EYS: variants seen among roughly 807,000 people sequenced by gnomAD.
EYS encodes the protein protein eyes shut homolog.
Under a neutral mutation model 282.1 loss-of-function variants are expected in EYS, and 250 were observed. That is an observed-to-expected ratio of 0.89 (90% CI 0.80 to 0.98). The LOEUF is 0.98. Ranked by LOEUF, EYS falls within the 50% of genes least tolerant of loss-of-function variation. The pLI, the probability that EYS is intolerant of heterozygous loss-of-function variation, is 0.00. For missense variants in EYS, 4,016 were observed against 3,709.0 expected, an observed-to-expected ratio of 1.08 and a Z score of -2.15; for synonymous variants, 1,355 against 1,282.9, an observed-to-expected ratio of 1.06 and a Z score of -1.20.
intron 35 of EYS, among the ~76,000 whole-genome samples, chr6:63,894,760 A>T (rs1773494221): frequency 6.6e-6 from 1 of 151,126 alleles, no homozygotes; most frequent in African/African-American, 2.4e-5. Flanking sequence ...TTTTTTTATT[A>T]TTATTTTTAG....
intron 35 of EYS, among the ~76,000 whole-genome samples, chr6:63,982,705 G>A (rs927961545): frequency 1.1e-4 from 16 of 151,730 alleles, no homozygotes; most frequent in Non-Finnish European, 2.2e-4. Flanking sequence ...GCAAGTCACA[G>A]GTTTCACCCA....
At chr6:64,354,629 C>T (rs1345209461) in intron 29 of EYS, among the ~76,000 whole-genome samples, 1 of 151,406 alleles carries the variant, frequency 6.6e-6, no homozygotes, top group East Asian at 2.0e-4. Context: ...TAGAAAATTG[C>T]TATTCTGAAA....
intron 26 of EYS, among the ~76,000 whole-genome samples, chr6:64,464,503 T>C (rs1419328324): frequency 6.6e-6 from 1 of 152,024 alleles, no homozygotes; most frequent in African/African-American, 2.4e-5. Flanking sequence ...AGTTAAATTG[T>C]CCCTGTTTAC....
rs544496290 is a variant in EYS at position 63,752,367 on chromosome 6, C to T, written c.8071+10094G>A. On this transcript the variant is annotated intron_variant, in intron 41 of 42. Coordinates refer to ENST00000503581, the MANE Select transcript of EYS (RefSeq NM_001142800.2). The stretch of plus-strand genomic sequence containing the variant: ...AGCTTATGACAATATATTTATAGTA[C>T]TATGAATATTATGCCTATAATATTA... Among the ~76,000 whole-genome samples the T allele has an allele frequency of 6.1e-5, 9 of 147,388 alleles. No individual in the cohort carries two copies. The South Asian group carries it at 1.5e-3, about 25-fold the overall frequency.
chr6:64,700,368 T>C (rs895859489), intron 22 of EYS, among the ~76,000 whole-genome samples: 1 of 152,152 alleles, frequency 6.6e-6, no homozygotes, highest in East Asian at 1.9e-4. Flanking sequence ...ACCATAGAAC[T>C]AGAAGTCTTA....
chr6:64,495,961 T>A (rs1776876144), intron 26 of EYS, among the ~76,000 whole-genome samples: 1 of 151,858 alleles, frequency 6.6e-6, no homozygotes, highest in Non-Finnish European at 1.5e-5. Context: ...AAAAGTGCTG[T>A]ATTTTAAAAA....
intron 41 of EYS, among the ~76,000 whole-genome samples, chr6:63,735,754 G>T (rs911721635): frequency 1.3e-4 from 20 of 152,100 alleles, no homozygotes; most frequent in African/African-American, 4.8e-4. Context: ...TTCCTTTCTT[G>T]TCCAGGATGC....
At chr6:63,763,179 C>T (rs1769691857) in intron 40 of EYS, among the ~76,000 whole-genome samples, 1 of 151,966 alleles carries the variant, frequency 6.6e-6, no homozygotes, top group African/African-American at 2.4e-5. Context: ...TGAATCTTGA[C>T]CAAGAGGTGT....
intron 12 of EYS, among the ~76,000 whole-genome samples, chr6:65,107,545 T>C (rs375291977): frequency 6.6e-6 from 1 of 151,874 alleles, no homozygotes; most frequent in African/African-American, 2.4e-5. Flanking sequence ...GTGAGAGCTA[T>C]ACTCTAACTT....
intron 18 of EYS, among the ~76,000 whole-genome samples, chr6:64,900,743 G>C (rs900869246): frequency 2.6e-5 from 4 of 152,102 alleles, no homozygotes; most frequent in Non-Finnish European, 5.9e-5. Flanking sequence ...AGATGCTAGA[G>C]AGATGCGGAG....
intron 30 of EYS, among the ~76,000 whole-genome samples, chr6:64,247,258 G>A (rs143081031): frequency 1.1e-4 from 16 of 152,236 alleles, no homozygotes; most frequent in African/African-American, 2.6e-4. Flanking sequence ...TAATCAAGGT[G>A]ACATAATTAA....
intron 12 of EYS, among the ~76,000 whole-genome samples, chr6:65,069,714 C>T (rs1245347014): frequency 6.6e-6 from 1 of 151,838 alleles, no homozygotes; most frequent in Non-Finnish European, 1.5e-5. Context: ...ATACATTATA[C>T]TGGTTTTAAT....
At chr6:65,105,603 A>T (rs1351060560) in intron 12 of EYS, among the ~76,000 whole-genome samples, 1 of 151,834 alleles carries the variant, frequency 6.6e-6, no homozygotes, top group African/African-American at 2.4e-5. Flanking sequence ...ATTTGCATAC[A>T]TTTTATTATT....
At chr6:64,527,501 T>C (rs1463018141) in intron 26 of EYS, among the ~76,000 whole-genome samples, 1 of 151,860 alleles carries the variant, frequency 6.6e-6, no homozygotes, top group Non-Finnish European at 1.5e-5. Flanking sequence ...TCTGAAACAC[T>C]TTATTGTTCA....
chr6:64,344,679 G>T lies in EYS; in HGVS notation c.6079-37597C>A, dbSNP rs561815990. On this transcript the variant is annotated intron_variant, in intron 29 of 42. Transcript: ENST00000503581. ...TCTCTCACCACTCCTATTCAACATA[G>T]TGTTGGAAGTTCTGGCCAGGGCAAT... 2.6e-5 allele frequency among the ~76,000 whole-genome samples: 4 copies of T among 152,208 alleles called. No individual in the cohort carries two copies. The East Asian group carries it at 7.7e-4, about 29-fold the overall frequency.
intron 2 of EYS, among the ~76,000 whole-genome samples, chr6:65,556,653 C>T (rs2127339922): frequency 6.6e-6 from 1 of 152,040 alleles, no homozygotes; most frequent in South Asian, 2.1e-4. Flanking sequence ...TAGGTATTTT[C>T]AGAAAAAAAT....
chr6:64,102,569 TTGAA>T lies in EYS; in HGVS notation c.6425-20571_6425-20568del, dbSNP rs140978521. On this transcript the variant is annotated intron_variant, in intron 31 of 42. Coordinates refer to ENST00000503581, the MANE Select transcript of EYS (RefSeq NM_001142800.2). ...AGCCATTGTTTATGATAAACTGCAG[TTGAA>T]TGAAGAGAATATTTTTCAAAATCTA... Among the ~76,000 whole-genome samples the T allele has an allele frequency of 6.7e-3, 1,023 of 152,276 alleles. 9 individuals are homozygous for T. The highest frequency in any genetic ancestry group is 0.023 in the African/African-American group (945 of 41,570).
chr6:64,549,529 G>A (rs981086869), intron 26 of EYS, among the ~76,000 whole-genome samples: 4 of 152,114 alleles, frequency 2.6e-5, no homozygotes, highest in Admixed American at 6.6e-5. Context: ...AATTCTTTCT[G>A]CAACAGTTAT....
chr6:65,339,067 CTTTATCTTGCCAT>C (rs1770100223), intron 10 of EYS, among the ~76,000 whole-genome samples: 1 of 151,144 alleles, frequency 6.6e-6, no homozygotes. Flanking sequence ...AATATATGCC[CTTTATCTTGCCAT>C]TTTGACCCTT....
Sources: gnomAD v4.1 joint callset for allele counts (sites outside exome capture counted in the v4.1 genomes callset) on GRCh38, gnomAD v4.1.1 for gene constraint, MANE v1.5 for transcripts, NCBI Gene and HGNC (gene_info 2026-07-23, HGNC 2026-07-21) for gene names.